The following DUSP29 variants were observed in gnomAD, a reference collection of about 807,000 sequenced individuals.
DUSP29 encodes atypical dual-specific protein phosphatase.
Under a neutral mutation model 13.5 loss-of-function variants are expected in DUSP29, and 12 were observed. The ratio of observed to expected loss-of-function variants is 0.89; its 90% confidence interval spans 0.57 to 1.44. The LOEUF is 1.44. Ranked by LOEUF, DUSP29 falls within the 40% of genes most tolerant of loss-of-function variation. The pLI is 0.00. For missense variants in DUSP29, 308 were observed against 301.1 expected (o/e 1.02, Z -0.17); for synonymous variants, 134 against 128.7 (o/e 1.04, Z -0.28).
At chr10:75,060,740 G>A (rs1487061617) in intron 1 of DUSP29, among the ~76,000 whole-genome samples, 1 of 152,160 alleles carries the variant, frequency 6.6e-6, no homozygotes, top group African/African-American at 2.4e-5. Flanking sequence ...GTATGAATAA[G>A]AAGAGATGGT....
chr10:75,053,513 A>C (rs1032649521), intron 2 of DUSP29, among the ~76,000 whole-genome samples: 1 of 152,222 alleles, frequency 6.6e-6, no homozygotes, highest in Non-Finnish European at 1.5e-5. Context: ...CATAAGGTGA[A>C]GAGAGGTAAA....
chr10:75,056,829 C>T (rs899065133), intron 2 of DUSP29, among the ~76,000 whole-genome samples: 1 of 151,984 alleles, frequency 6.6e-6, no homozygotes, highest in East Asian at 1.9e-4. Context: ...TCTTTATAAC[C>T]CTCTACCTCA....
intron 1 of DUSP29, among the ~76,000 whole-genome samples, chr10:75,069,821 C>G (rs1847283178): frequency 6.6e-6 from 1 of 151,832 alleles, no homozygotes; most frequent in Non-Finnish European, 1.5e-5. Flanking sequence ...GCAGGCGGAT[C>G]CCTTGAGGTG....
chr10:75,065,364 C>G (rs571236200), intron 1 of DUSP29, among the ~76,000 whole-genome samples: 1 of 151,776 alleles, frequency 6.6e-6, no homozygotes, highest in East Asian at 1.9e-4. Context: ...GAAGGCTTAT[C>G]TTTTTTCTTT....
chr10:75,043,355 G>A (rs1846625506), intron 3 of DUSP29, among the ~76,000 whole-genome samples: 2 of 152,206 alleles, frequency 1.3e-5, no homozygotes, highest in Admixed American at 1.3e-4. Context: ...TAGTGTCTCC[G>A]GCCGCAGTCC....
At chr10:75,047,995 C>T (rs1453537368) in intron 2 of DUSP29, among the ~76,000 whole-genome samples, 5 of 152,110 alleles carry the variant, frequency 3.3e-5, no homozygotes, top group African/African-American at 1.2e-4. Context: ...ACATATAAGA[C>T]TTCAATAACT....
intron 1 of DUSP29, among the ~76,000 whole-genome samples, chr10:75,070,531 C>A (rs547878344): frequency 2.0e-5 from 3 of 152,352 alleles, no homozygotes; most frequent in East Asian, 3.9e-4. Flanking sequence ...CTTGGCACAT[C>A]CGCATGAGCT....
chr10:75,054,102 T>C (rs972710804), intron 2 of DUSP29, among the ~76,000 whole-genome samples: 2 of 152,214 alleles, frequency 1.3e-5, no homozygotes, highest in Non-Finnish European at 2.9e-5. Flanking sequence ...GCTAGCTTCA[T>C]GGCAGAAGTG....
chr10:75,040,792 C>T (rs1436184020), intron 3 of DUSP29, among the ~76,000 whole-genome samples: 3 of 152,136 alleles, frequency 2.0e-5, no homozygotes, highest in Non-Finnish European at 4.4e-5. Context: ...AGGGCAGGAC[C>T]AGGGACTGGA....
intron 1 of DUSP29, among the ~76,000 whole-genome samples, chr10:75,064,052 C>T (rs1564645904): frequency 6.9e-6 from 1 of 145,936 alleles, no homozygotes; most frequent in East Asian, 2.0e-4. Context: ...CTAGTTCAGA[C>T]TTTTTTTTTT....
chr10:75,058,340 A>C lies in DUSP29; in HGVS notation c.175T>G (p.Trp59Gly). Residue 59 changes from tryptophan to glycine, a missense_variant, in exon 2 of 4, where the codon TGG becomes GGG. By Grantham distance (184) the Trp-to-Gly change is radical (BLOSUM62 -2). Transcript: ENST00000338487. The part of the protein sequence containing the change: ...SPQYTHVNEV[W>G]PKLYIGDEAT... ...TCATCGCCAATGTAGAGCTTGGGCC[A>C]GACCTCGTTGACGTGGGTGTACTGG... 6.2e-7 allele frequency: 1 copy of C among 1,614,142 alleles called. No individual in the cohort carries two copies. Among genetic ancestry groups the C allele is most frequent in the South Asian group, 1.1e-5 (1 of 91,064 alleles).
intron 3 of DUSP29, among the ~76,000 whole-genome samples, chr10:75,039,571 G>C (rs1285844267): frequency 6.6e-6 from 1 of 152,152 alleles, no homozygotes; most frequent in Non-Finnish European, 1.5e-5. Context: ...CATGCTTTTA[G>C]GAGTGACTGG....
At chr10:75,071,537 T>TGTCA (rs1164547812) in intron 1 of DUSP29, among the ~76,000 whole-genome samples, 1 of 152,146 alleles carries the variant, frequency 6.6e-6, no homozygotes. Flanking sequence ...CCAACCCAGG[T>TGTCA]GTCAGCCATG....
At chr10:75,061,552 C>T (rs929251410) in intron 1 of DUSP29, among the ~76,000 whole-genome samples, 16 of 152,304 alleles carry the variant, frequency 1.1e-4, no homozygotes, top group African/African-American at 3.1e-4. Flanking sequence ...CAATGAGCTC[C>T]GAAGTGAGTC....
intron 3 of DUSP29, among the ~76,000 whole-genome samples, chr10:75,041,052 A>G (rs988609990): frequency 6.6e-6 from 1 of 152,200 alleles, no homozygotes; most frequent in Non-Finnish European, 1.5e-5. Flanking sequence ...GGAAGCAAGG[A>G]GTGATGCCTT....
chr10:75,056,457 G>A (rs1846959884), intron 2 of DUSP29, among the ~76,000 whole-genome samples: 1 of 151,906 alleles, frequency 6.6e-6, no homozygotes, highest in Non-Finnish European at 1.5e-5. Context: ...GAACCCAGGA[G>A]GTGGAGGTTG....
intron 3 of DUSP29, among the ~76,000 whole-genome samples, chr10:75,040,706 T>C (rs940186687): frequency 3.3e-5 from 5 of 152,226 alleles, no homozygotes; most frequent in African/African-American, 4.8e-5. Flanking sequence ...GGTGTCCTGA[T>C]GGCGCTGCCT....
At position 75,058,428 on chromosome 10, in the gene DUSP29, C is replaced by T. The variant is rs761168225; in HGVS notation, c.87G>A (p.Glu29=). ...CTCCAGGGGTGCAGTAGTCCTCCTCCTCCCCTTCCTCCTCCATCTTCGGCG... is the reference window on the plus strand; with the variant it reads ...CTCCAGGGGTGCAGTAGTCCTCCTCTTCCCCTTCCTCCTCCATCTTCGGCG... ...RLSPKMEEEG[E]EEDYCTPGAF... Residue 29 remains glutamate, a synonymous_variant, in exon 2 of 4, where the codon GAG becomes GAA. Coordinates refer to ENST00000338487, the MANE Select transcript of DUSP29 (RefSeq NM_001003892.3). The T allele has an allele frequency of 1.4e-5, 23 of 1,614,146 alleles. No homozygotes were observed. The highest frequency in any genetic ancestry group is 1.9e-5 in the Non-Finnish European group (22 of 1,180,052).
intron 1 of DUSP29, among the ~76,000 whole-genome samples, chr10:75,061,238 G>C (rs1847081201): frequency 6.6e-6 from 1 of 152,148 alleles, no homozygotes; most frequent in South Asian, 2.1e-4. Context: ...AAATTTAAAA[G>C]GAAAGGGTTG....
Sources: gnomAD v4.1 joint callset for allele counts (sites outside exome capture counted in the v4.1 genomes callset) on GRCh38, gnomAD v4.1.1 for gene constraint, MANE v1.5 for transcripts, NCBI Gene and HGNC (gene_info 2026-07-23, HGNC 2026-07-21) for gene names.